EFNA2: variants seen among roughly 807,000 people sequenced by gnomAD.
EFNA2 encodes ephrin-A2.
EFNA2 carries 18 observed loss-of-function variants against 19.7 expected under a neutral mutation model. The observed-to-expected ratio is 0.91, with a 90% CI of 0.63 to 1.35. EFNA2 has a LOEUF of 1.35. Ranked by LOEUF, EFNA2 falls within the 40% of genes most tolerant of loss-of-function variation. EFNA2 has a pLI of 0.00. For synonymous variants in EFNA2, 187 were observed against 137.8 expected (o/e 1.36, Z -2.50); for missense variants, 303 against 296.0 (o/e 1.02, Z -0.17).
rs1426113929 is a variant in EFNA2 at position 1,300,154 on chromosome 19, C to G, written c.*209C>G. The G allele has an allele frequency of 6.5e-6, 4 of 614,724 alleles. No homozygotes were observed. The highest frequency in any genetic ancestry group is 1.0e-5 in the Non-Finnish European group (4 of 393,276). 38.1% of individuals were successfully genotyped at this position (614,724 alleles called of 1,614,324 possible). A position where few individuals can be genotyped will look rare whatever the true frequency, so the allele number is the denominator to read the frequency against. On this transcript the variant is annotated 3_prime_UTR_variant, in exon 4 of 4. Coordinates refer to ENST00000215368, the MANE Select transcript of EFNA2 (RefSeq NM_001405.4). ...GGGGAAACGGCCGAGAGCCCCCCCC[C>G]GGAGGCCCGAGGGGCCGGGGTGTGG...
chr19:1,300,014 G>C lies in EFNA2; in HGVS notation c.*69G>C, dbSNP rs977045083. 4 of 1,505,076 alleles carry C rather than the reference G, an allele frequency of 2.7e-6. No individual in the cohort carries two copies. In the Admixed American group the frequency reaches 8.6e-5, roughly 32 times the overall value. 93.2% of individuals were successfully genotyped at this position (1,505,076 alleles called of 1,614,324 possible). A position where few individuals can be genotyped will look rare whatever the true frequency, so the allele number is the denominator to read the frequency against. On this transcript the variant is annotated 3_prime_UTR_variant, in exon 4 of 4. Transcript: ENST00000215368. ...TGGACCGCCTGACCTCGGCCCTCCG[G>C]ACCCGGCTGCGGCCCCCGCCTCCGA...
rs2081512923 is a variant in EFNA2, at chr19:1,295,938, CTG to C, written c.454+81_454+82del. 2.0e-5 allele frequency: 11 copies of C among 560,006 alleles called. No individual in the cohort carries two copies. The highest frequency in any genetic ancestry group is 2.1e-5 in the South Asian group (1 of 48,352). 34.7% of individuals were successfully genotyped at this position (560,006 alleles called of 1,614,324 possible). A position where few individuals can be genotyped will look rare whatever the true frequency, so the allele number is the denominator to read the frequency against. ...CGGGGCCAGGAAGTGGGCGGGACCA[CTG>C]GGGTGGGGCCGGGGAGTGGGCGGGG... On this transcript the variant is annotated intron_variant, in intron 2 of 3. Transcript: ENST00000215368. This position sits in a 1 kb window ranked among gnomAD's most constrained non-coding sequence, Gnocchi z 5.8.
Position 1,287,113 on chromosome 19 carries a change from C to T in EFNA2, c.140+805C>T, listed in dbSNP as rs1431882946. On this transcript the variant is annotated intron_variant, in intron 1 of 3. Transcript: ENST00000215368. The surrounding 1 kb of genome is among the most constrained non-coding windows in gnomAD (Gnocchi z 6.2). Reference sequence around the variant, plus strand: ...AGGCCCCCTTGTTTTGAACCAGGTCCGGGCCAGGCACAACGTGGGGGACAG... The same window carrying T: ...AGGCCCCCTTGTTTTGAACCAGGTCTGGGCCAGGCACAACGTGGGGGACAG... Among the ~76,000 whole-genome samples the T allele has an allele frequency of 2.0e-5, 3 of 152,232 alleles. No individual in the cohort carries two copies. The highest frequency in any genetic ancestry group is 6.5e-5 in the Admixed American group (1 of 15,288).
Position 1,286,900 on chromosome 19 carries a change from G to A in EFNA2, c.140+592G>A, listed in dbSNP as rs970147255. ...GAGACTGAGGGGCCGGGGAGCTGGG[G>A]GTCAGCCCCGGGAGGGGCAGTGGGA... On this transcript the variant is annotated intron_variant, in intron 1 of 3. Coordinates refer to ENST00000215368, the MANE Select transcript of EFNA2 (RefSeq NM_001405.4). The surrounding 1 kb of genome is among the most constrained non-coding windows in gnomAD (Gnocchi z 5.6). Among the ~76,000 whole-genome samples the A allele has an allele frequency of 2.6e-5, 4 of 152,208 alleles. No homozygotes were observed. The highest frequency in any genetic ancestry group is 4.4e-5 in the Non-Finnish European group (3 of 68,032).
chr19:1,298,515 G>A (rs372026435), intron 2 of EFNA2, 36 bp from the exon 3 acceptor site: 148 of 1,609,364 alleles, frequency 9.2e-5, no homozygotes, highest in Non-Finnish European at 1.2e-4. Context: ...GCACCAAGAG[G>A]CACTTCCCCA....
intron 1 of EFNA2, among the ~76,000 whole-genome samples, chr19:1,292,509 C>T (rs2081496267): frequency 6.6e-6 from 1 of 152,192 alleles, no homozygotes. Context: ...AGACAGCAAA[C>T]CCTGTAAAGA....
rs144915959 is a variant in EFNA2 at position 1,293,012 on chromosome 19, G to T, written c.141-2533G>T. On this transcript the variant is annotated intron_variant, in intron 1 of 3. Transcript: ENST00000215368. ...GGCTGGTGCTGTGGGCACTTTCAGA[G>T]GCTGCTCTGTCTCAAGAAGTGTCCT... Among the ~76,000 whole-genome samples, 9 of 152,292 alleles carry T rather than the reference G, an allele frequency of 5.9e-5. No homozygotes were observed. In the South Asian group the frequency reaches 1.9e-3, roughly 32 times the overall value.
chr19:1,300,480 G>A lies in EFNA2; in HGVS notation c.*535G>A, dbSNP rs1344236896. 1.3e-5 allele frequency among the ~76,000 whole-genome samples: 2 copies of A among 148,430 alleles called. No homozygotes were observed. The highest frequency in any genetic ancestry group is 4.9e-5 in the African/African-American group (2 of 40,796). ...CTCCCCTCTGCTCTGCACCCCACTC[G>A]TGGGGGAACACAGCCGCTCCCCTCT... On this transcript the variant is annotated 3_prime_UTR_variant, in exon 4 of 4. Coordinates refer to ENST00000215368, the MANE Select transcript of EFNA2 (RefSeq NM_001405.4).
rs1568867920 is a variant in EFNA2 at position 1,295,764 on chromosome 19, C to T, written c.360C>T (p.Pro120=). 7.5e-6 allele frequency: 12 copies of T among 1,604,322 alleles called. No homozygotes were observed. The highest frequency in any genetic ancestry group is 1.0e-5 in the Non-Finnish European group (12 of 1,176,740). ...KRWECNRPAA[P]GGPLKFSEKF... ...GGGAGTGCAACCGGCCCGCGGCGCC[C>T]GGGGGGCCGCTCAAGTTCTCGGAGA... The change falls in exon 2 of 4, where the codon CCC becomes CCT. Residue 120 remains proline, a synonymous_variant. Coordinates refer to ENST00000215368, the MANE Select transcript of EFNA2 (RefSeq NM_001405.4). This position sits in a 1 kb window ranked among gnomAD's most constrained non-coding sequence, Gnocchi z 5.8.
chr19:1,299,374 T>G (rs1210372469), intron 3 of EFNA2, among the ~76,000 whole-genome samples: 3 of 151,972 alleles, frequency 2.0e-5, no homozygotes. Flanking sequence ...CTGGCCAACA[T>G]GGTGAAACCC....
At chr19:1,293,672 G>T (rs1289992181) in intron 1 of EFNA2, among the ~76,000 whole-genome samples, 1 of 152,256 alleles carries the variant, frequency 6.6e-6, no homozygotes, top group African/African-American at 2.4e-5. Context: ...GCTCACAGGG[G>T]TGATGAAGGA....
rs954599173 is a variant in EFNA2 at position 1,292,188 on chromosome 19, G to A, written c.141-3357G>A. 1.8e-3 allele frequency among the ~76,000 whole-genome samples: 270 copies of A among 152,340 alleles called. 3 individuals carry two copies. Among genetic ancestry groups the A allele is most frequent in the African/African-American group, 6.4e-3 (265 of 41,576 alleles). ...CCTGCAGGCGCCACCCTCAACAGGG[G>A]CAACGCGCCCACCTCGGGCTTGCCC... is the stretch of plus-strand genomic sequence containing the variant. On this transcript the variant is annotated intron_variant, in intron 1 of 3. Coordinates refer to ENST00000215368, the MANE Select transcript of EFNA2 (RefSeq NM_001405.4).
upstream of EFNA2, among the ~76,000 whole-genome samples, chr19:1,284,913 TCA>T (rs1305990447): frequency 6.6e-6 from 1 of 152,114 alleles, no homozygotes; most frequent in Non-Finnish European, 1.5e-5. The surrounding 1 kb of genome is among the most constrained non-coding windows in gnomAD (Gnocchi z 5.3). Context: ...CTCCACAAGC[TCA>T]GAGTCTGGTG....
intron 1 of EFNA2, among the ~76,000 whole-genome samples, chr19:1,292,163 C>G (rs963180459): frequency 1.3e-5 from 2 of 152,224 alleles, no homozygotes; most frequent in Non-Finnish European, 2.9e-5. Flanking sequence ...CCCCCTCCCC[C>G]CTGCAGGCGC....
In EFNA2 at chr19:1,294,499, C is replaced by T. The variant is rs938358645; in HGVS notation, c.141-1046C>T. On this transcript the variant is annotated intron_variant, in intron 1 of 3. Coordinates refer to ENST00000215368, the MANE Select transcript of EFNA2 (RefSeq NM_001405.4). The surrounding 1 kb of genome is among the most constrained non-coding windows in gnomAD (Gnocchi z 5.8). ...GGAGTGCAGGCACCCAAGAGGGAGACCAGGAGGCCGCCGGATTCCGGGGCT... is the reference window on the plus strand; with the variant it reads ...GGAGTGCAGGCACCCAAGAGGGAGATCAGGAGGCCGCCGGATTCCGGGGCT... Among the ~76,000 whole-genome samples the T allele has an allele frequency of 1.3e-5, 2 of 150,896 alleles. No individual in the cohort carries two copies. Among genetic ancestry groups the T allele is most frequent in the African/African-American group, 4.9e-5 (2 of 40,924 alleles).
chr19:1,295,317 G>T lies in EFNA2; in HGVS notation c.141-228G>T, dbSNP rs2081508704. On this transcript the variant is annotated intron_variant, in intron 1 of 3. Transcript: ENST00000215368. This position sits in a 1 kb window ranked among gnomAD's most constrained non-coding sequence, Gnocchi z 5.8. Reference sequence around the variant, plus strand: ...CGTGCCCTGTGCACCTGTCCCCGGAGCCATCTCTCCCCGCGCACACTGACC... The same window carrying T: ...CGTGCCCTGTGCACCTGTCCCCGGATCCATCTCTCCCCGCGCACACTGACC... Among the ~76,000 whole-genome samples the T allele has an allele frequency of 5.5e-5, 8 of 146,656 alleles. No individual in the cohort carries two copies. The South Asian group carries it at 1.8e-3, about 32-fold the overall frequency.
rs2081461516 is a variant in EFNA2 at position 1,285,960 on chromosome 19, C to T, written c.-209C>T. Reference sequence around the variant, plus strand: ...GCCGGGTCCTGCGCCCGGGGCGACCCCGGCGCCCCGCCCCGCCGCCGCCTG... The same window carrying T: ...GCCGGGTCCTGCGCCCGGGGCGACCTCGGCGCCCCGCCCCGCCGCCGCCTG... On this transcript the variant is annotated 5_prime_UTR_variant, in exon 1 of 4. Coordinates refer to ENST00000215368, the MANE Select transcript of EFNA2 (RefSeq NM_001405.4). This position sits in a 1 kb window ranked among gnomAD's most constrained non-coding sequence, Gnocchi z 4.1. 6.9e-6 allele frequency among the ~76,000 whole-genome samples: 1 copy of T among 145,354 alleles called. No individual in the cohort carries two copies. Among genetic ancestry groups the T allele is most frequent in the Non-Finnish European group, 1.5e-5 (1 of 65,476 alleles).
intron 3 of EFNA2, 77 bp from the exon 4 acceptor site, chr19:1,299,747 C>T: frequency 1.3e-6 from 2 of 1,502,284 alleles, no homozygotes; most frequent in Non-Finnish European, 1.8e-6. Flanking sequence ...CAGATGTGCA[C>T]CCTGAGGGCG....
Position 1,295,263 on chromosome 19 carries a change from T to C in EFNA2, c.141-282T>C, listed in dbSNP as rs1310572250. 4.7e-5 allele frequency among the ~76,000 whole-genome samples: 7 copies of C among 147,770 alleles called. No individual in the cohort carries two copies. Among genetic ancestry groups the C allele is most frequent in the Admixed American group, 2.7e-4 (4 of 14,962 alleles). Reference sequence around the variant, plus strand: ...CTGACTTCCCCGTGCACCTGTCCCCTGACCCGTCCCTCCCCGCTCACCCTG... The same window carrying C: ...CTGACTTCCCCGTGCACCTGTCCCCCGACCCGTCCCTCCCCGCTCACCCTG... On this transcript the variant is annotated intron_variant, in intron 1 of 3. Transcript: ENST00000215368. The surrounding 1 kb of genome is among the most constrained non-coding windows in gnomAD (Gnocchi z 5.8).
Sources: allele counts gnomAD v4.1 joint callset (sites outside exome capture counted in the v4.1 genomes callset), GRCh38; gene constraint gnomAD v4.1.1; non-coding constraint Gnocchi (gnomAD v3.1); transcripts MANE v1.5; gene names NCBI Gene and HGNC (gene_info 2026-07-23, HGNC 2026-07-21).